DLGAP4: variants seen among roughly 807,000 people sequenced by gnomAD.
The protein encoded by DLGAP4 is disks large-associated protein 4.
DLGAP4 carries 18 observed loss-of-function variants against 86.9 expected under a neutral mutation model. The ratio of observed to expected loss-of-function variants is 0.21; its 90% CI spans 0.14 to 0.31. DLGAP4 has a LOEUF of 0.31. Ranked by LOEUF, DLGAP4 falls within the 10% of genes least tolerant of loss-of-function variation. The pLI is 1.00. For synonymous variants in DLGAP4, 548 were observed against 574.3 expected, an observed-to-expected ratio of 0.95 and a Z score of 0.65; for missense variants, 1,085 against 1,362.6, an observed-to-expected ratio of 0.80 and a Z score of 3.21.
At chr20:36,518,943 C>T (rs1294645668) in intron 10 of DLGAP4, among the ~76,000 whole-genome samples, 1 of 151,954 alleles carries the variant, frequency 6.6e-6, no homozygotes, top group Non-Finnish European at 1.5e-5. Flanking sequence ...TCGTGAAACC[C>T]CCATCTCTAC....
intron 7 of DLGAP4, among the ~76,000 whole-genome samples, chr20:36,458,727 A>G (rs1025680844): frequency 1.3e-5 from 2 of 152,066 alleles, no homozygotes; most frequent in Non-Finnish European, 2.9e-5. Context: ...AAAAAGAAAA[A>G]AAGACTACTC....
chr20:36,338,079 T>C (rs992853338), intron 1 of DLGAP4, among the ~76,000 whole-genome samples: 9 of 152,206 alleles, frequency 5.9e-5, no homozygotes, highest in African/African-American at 9.6e-5. Flanking sequence ...CTGAACCTCA[T>C]GGTCCTCAGC....
chr20:36,478,165 A>G (rs1021849787), intron 7 of DLGAP4, among the ~76,000 whole-genome samples: 4 of 152,182 alleles, frequency 2.6e-5, no homozygotes, highest in African/African-American at 9.7e-5. Context: ...AGGGACAGCA[A>G]ATATCTTGCA....
intron 1 of DLGAP4, among the ~76,000 whole-genome samples, chr20:36,330,636 G>C (rs1555891437): frequency 6.8e-6 from 1 of 147,874 alleles, no homozygotes; most frequent in African/African-American, 2.5e-5. Flanking sequence ...GCAGTGGTGT[G>C]ATCTCGGCTC....
chr20:36,502,080 A>G (rs914508658), intron 10 of DLGAP4, among the ~76,000 whole-genome samples: 1 of 152,146 alleles, frequency 6.6e-6, no homozygotes, highest in African/African-American at 2.4e-5. Flanking sequence ...ATTAATCATC[A>G]TTTCTATTAA....
chr20:36,380,521 G>A (rs371288087), intron 2 of DLGAP4, among the ~76,000 whole-genome samples: 34 of 151,842 alleles, frequency 2.2e-4, no homozygotes, highest in African/African-American at 5.1e-4. Context: ...CCAAGAATTC[G>A]AGGTTACAGT....
At chr20:36,507,313 C>T (rs936140069) in intron 10 of DLGAP4, among the ~76,000 whole-genome samples, 8 of 152,090 alleles carry the variant, frequency 5.3e-5, no homozygotes, top group African/African-American at 1.9e-4. Flanking sequence ...CCACAACCTC[C>T]GCCTCCTGGG....
At chr20:36,392,928 T>C (rs1890223451) in intron 2 of DLGAP4, among the ~76,000 whole-genome samples, 1 of 151,810 alleles carries the variant, frequency 6.6e-6, no homozygotes, top group African/African-American at 2.4e-5. Flanking sequence ...GAGCCCTGAA[T>C]GAATCAAGGG....
chr20:36,427,254 G>A (rs747983587), intron 2 of DLGAP4, among the ~76,000 whole-genome samples: 9 of 152,052 alleles, frequency 5.9e-5, no homozygotes, highest in Non-Finnish European at 1.2e-4. Context: ...CGAGGCAGGC[G>A]GATCATGAAG....
intron 1 of DLGAP4, among the ~76,000 whole-genome samples, chr20:36,321,804 G>A (rs554989557): frequency 6.6e-6 from 1 of 152,334 alleles, no homozygotes; most frequent in South Asian, 2.1e-4. Context: ...ATATGCAGCA[G>A]ATAAAACCCA....
At chr20:36,439,258 G>C (rs1423667991) in intron 4 of DLGAP4, among the ~76,000 whole-genome samples, 3 of 152,200 alleles carry the variant, frequency 2.0e-5, no homozygotes, top group Non-Finnish European at 4.4e-5. Context: ...AAGGGGTAAT[G>C]ACTTGCCCAG....
chr20:36,363,760 C>T (rs191000497), intron 1 of DLGAP4, among the ~76,000 whole-genome samples: 211 of 152,294 alleles, frequency 1.4e-3, no homozygotes, highest in African/African-American at 4.9e-3. Flanking sequence ...GAGCCAGGGC[C>T]AGAAGCCGTA....
chr20:36,385,654 C>G (rs1192611524), intron 2 of DLGAP4, among the ~76,000 whole-genome samples: 2 of 152,176 alleles, frequency 1.3e-5, no homozygotes, highest in Non-Finnish European at 2.9e-5. Context: ...AGTGGCCAGG[C>G]CAGCTCTGGC....
intron 2 of DLGAP4, among the ~76,000 whole-genome samples, chr20:36,372,595 T>C (rs2030986356): frequency 1.3e-5 from 2 of 151,940 alleles, no homozygotes. Flanking sequence ...TAAGAGAATC[T>C]TAAATCTCAG....
chr20:36,423,315 G>A (rs1268207497), intron 2 of DLGAP4, among the ~76,000 whole-genome samples: 1 of 151,714 alleles, frequency 6.6e-6, no homozygotes, highest in Non-Finnish European at 1.5e-5. Flanking sequence ...AATTAGCCAG[G>A]CGTGGTGGCA....
intron 7 of DLGAP4, among the ~76,000 whole-genome samples, chr20:36,494,768 C>G (rs902634114): frequency 6.6e-5 from 10 of 152,152 alleles, no homozygotes; most frequent in Admixed American, 6.5e-4. Flanking sequence ...CACCCTCTCC[C>G]TAGTGACCAC....
At chr20:36,453,934 C>CAAAAAAAAAAAAAAAA (rs1194294335) in intron 7 of DLGAP4, among the ~76,000 whole-genome samples, 2 of 42,678 alleles carry the variant, frequency 4.7e-5, no homozygotes, top group Non-Finnish European at 9.4e-5. Context: ...ACTCTGTCTC[C>CAAAAAAAAAAAAAAAA]AAAAAAAAAA....
At chr20:36,434,321 A>G (rs931791427) in intron 3 of DLGAP4, among the ~76,000 whole-genome samples, 5 of 152,210 alleles carry the variant, frequency 3.3e-5, no homozygotes, top group African/African-American at 1.2e-4. Context: ...GAAATTCCAG[A>G]AACAGTGAGA....
intron 7 of DLGAP4, among the ~76,000 whole-genome samples, chr20:36,482,913 C>T (rs1018104174): frequency 6.6e-6 from 1 of 152,190 alleles, no homozygotes; most frequent in East Asian, 1.9e-4. Flanking sequence ...CTCAAGTGAT[C>T]CCCCTGCCTC....
Sources: gnomAD v4.1 joint callset for allele counts (sites outside exome capture counted in the v4.1 genomes callset) on GRCh38, gnomAD v4.1.1 for gene constraint, MANE v1.5 for transcripts, NCBI Gene and HGNC (gene_info 2026-07-23, HGNC 2026-07-21) for gene names.